The following TLE4 variants were observed in gnomAD, a reference collection of about 807,000 sequenced individuals.
The protein encoded by TLE4 is TLE family member 4, transcriptional corepressor, also known as transducin-like enhancer protein 4.
In TLE4, 8 loss-of-function variants were observed where a neutral mutation model predicts 92.8. The ratio of observed to expected loss-of-function variants is 0.09; its 90% CI spans 0.05 to 0.16. TLE4 has a LOEUF of 0.16. Ranked by LOEUF, TLE4 falls within the 10% of genes least tolerant of loss-of-function variation. The pLI is 1.00. For synonymous variants in TLE4, 371 were observed against 374.1 expected (o/e 0.99, Z 0.10); for missense variants, 675 against 997.6 (o/e 0.68, Z 4.36).
At chr9:79,658,554 C>T (rs1347769019) in intron 8 of TLE4, among the ~76,000 whole-genome samples, 2 of 152,042 alleles carry the variant, frequency 1.3e-5, no homozygotes, top group South Asian at 2.1e-4. Context: ...GGTTTATCAG[C>T]GGAAAATTAG....
chr9:79,712,299 T>C (rs1433847552), intron 14 of TLE4, among the ~76,000 whole-genome samples: 1 of 152,210 alleles, frequency 6.6e-6, no homozygotes, highest in Non-Finnish European at 1.5e-5. Flanking sequence ...TAACAGAGCA[T>C]GAAGACGTAT....
rs573465925 is a variant in TLE4 at position 79,598,008 on chromosome 9, G to A, written c.253-14648G>A. Among the ~76,000 whole-genome samples, 105 of 150,938 alleles carry A rather than the reference G, an allele frequency of 7.0e-4. 1 individual carries two copies. The highest frequency in any genetic ancestry group is 2.4e-3 in the African/African-American group (97 of 41,018). On this transcript the variant is annotated intron_variant, in intron 4 of 19. Transcript: ENST00000376552. ...AGCATTTTGGGAGGCTGAGGCAGGC[G>A]GATCACGAGGTCAGGAGATCGAGAC... is the stretch of plus-strand genomic sequence containing the variant.
chr9:79,603,274 C>T (rs951009235), intron 4 of TLE4, among the ~76,000 whole-genome samples: 8 of 152,118 alleles, frequency 5.3e-5, no homozygotes, highest in African/African-American at 1.9e-4. Context: ...TGTCAAACAG[C>T]ATCACATACT....
intron 16 of TLE4, among the ~76,000 whole-genome samples, chr9:79,721,363 A>G (rs1396926945): frequency 6.6e-6 from 1 of 152,196 alleles, no homozygotes; most frequent in Non-Finnish European, 1.5e-5. Context: ...CTTTAAAGGG[A>G]AAATTAAATT....
At chr9:79,684,950 GTC>G (rs2065517681) in intron 8 of TLE4, among the ~76,000 whole-genome samples, 1 of 152,196 alleles carries the variant, frequency 6.6e-6, no homozygotes, top group Non-Finnish European at 1.5e-5. Flanking sequence ...GTAAAGGAAA[GTC>G]TGCCCAAGTG....
chr9:79,573,397 G>A, intron 1 of TLE4: 1 of 1,185,112 alleles, frequency 8.4e-7, no homozygotes, highest in Non-Finnish European at 1.1e-6. Context: ...CGCGGCGCGC[G>A]GGTCCCTGGG....
rs111227832 is a variant in TLE4 at position 79,608,492 on chromosome 9, A to C, written c.253-4164A>C. Among the ~76,000 whole-genome samples the C allele has an allele frequency of 4.4e-3, 666 of 152,180 alleles. 7 individuals carry two copies. Among genetic ancestry groups the C allele is most frequent in the African/African-American group, 0.013 (559 of 41,552 alleles). On this transcript the variant is annotated intron_variant, in intron 4 of 19. Coordinates refer to ENST00000376552, the MANE Select transcript of TLE4 (RefSeq NM_007005.6). ...GCAGGGTAAGTAGGACTTCTTTGTCACCTTTTTAAAAAATGTTGATATTAA... is the reference window on the plus strand; with the variant it reads ...GCAGGGTAAGTAGGACTTCTTTGTCCCCTTTTTAAAAAATGTTGATATTAA...
intron 6 of TLE4, among the ~76,000 whole-genome samples, chr9:79,633,171 C>G (rs1320163875): frequency 6.6e-6 from 1 of 152,236 alleles, no homozygotes; most frequent in East Asian, 1.9e-4. Flanking sequence ...TCCCTTCTCT[C>G]ATAACAAAGA....
At chr9:79,665,731 C>T (rs1430345449) in intron 8 of TLE4, among the ~76,000 whole-genome samples, 3 of 151,690 alleles carry the variant, frequency 2.0e-5, no homozygotes, top group African/African-American at 7.3e-5. Flanking sequence ...AAATATTTAT[C>T]ATCTGATTTT....
chr9:79,675,097 G>A (rs1384033743), intron 8 of TLE4, among the ~76,000 whole-genome samples: 1 of 152,038 alleles, frequency 6.6e-6, no homozygotes, highest in Non-Finnish European at 1.5e-5. Flanking sequence ...TATAACTTAA[G>A]TGTCTATAAT....
At chr9:79,722,371 C>A in intron 17 of TLE4, 80 bp from the exon 18 acceptor site, 2 of 1,487,648 alleles carry the variant, frequency 1.3e-6, no homozygotes, top group South Asian at 1.3e-5. Context: ...TAAGTAGTAT[C>A]TACAGAAGAG....
intron 8 of TLE4, 144 bp from the exon 9 acceptor site, chr9:79,704,639 C>T (rs2070990543): frequency 2.8e-6 from 3 of 1,062,316 alleles, no homozygotes; most frequent in Admixed American, 5.3e-5. Context: ...CTTTCGTCTC[C>T]TCCGCTTTCT....
At chr9:79,711,992 T>TG (rs1440494727) in intron 14 of TLE4, among the ~76,000 whole-genome samples, 1 of 152,160 alleles carries the variant, frequency 6.6e-6, no homozygotes, top group Non-Finnish European at 1.5e-5. Context: ...GTTGAACCAC[T>TG]GAGAAGAGTG....
At chr9:79,624,688 G>A (rs981454747) in intron 5 of TLE4, among the ~76,000 whole-genome samples, 5 of 152,166 alleles carry the variant, frequency 3.3e-5, no homozygotes, top group African/African-American at 9.7e-5. Context: ...ATGCCAGTGC[G>A]GAAAGATATC....
chr9:79,686,048 G>A (rs1015222038), intron 8 of TLE4, among the ~76,000 whole-genome samples: 5 of 152,104 alleles, frequency 3.3e-5, no homozygotes, highest in African/African-American at 1.2e-4. Flanking sequence ...AGATGATTTA[G>A]TTATAAAGAG....
chr9:79,680,200 C>A (rs2064215974), intron 8 of TLE4, among the ~76,000 whole-genome samples: 1 of 151,214 alleles, frequency 6.6e-6, no homozygotes, highest in Admixed American at 6.6e-5. Context: ...CTATAAATTA[C>A]CTTGGGCAGT....
chr9:79,573,165 G>A (rs2036367844), intron 1 of TLE4: 3 of 873,408 alleles, frequency 3.4e-6, no homozygotes, highest in East Asian at 6.4e-5. Context: ...TCCGCGCCCG[G>A]GCGGGGAGGG....
At chr9:79,591,098 G>A (rs921637812) in intron 4 of TLE4, among the ~76,000 whole-genome samples, 4 of 152,174 alleles carry the variant, frequency 2.6e-5, no homozygotes, top group African/African-American at 9.7e-5. Flanking sequence ...GTTAGGAAAG[G>A]TAGGAGGCTT....
rs1008277910 is a variant in TLE4, at chr9:79,608,389, C to T, written c.253-4267C>T. ...TTCTGATTGAAATTTTAAAGAATTGCAGTCTTTGTTCTCTAGTGGTGAAGT... is the reference window on the plus strand; with the variant it reads ...TTCTGATTGAAATTTTAAAGAATTGTAGTCTTTGTTCTCTAGTGGTGAAGT... On this transcript the variant is annotated intron_variant, in intron 4 of 19. Coordinates refer to ENST00000376552, the MANE Select transcript of TLE4 (RefSeq NM_007005.6). 3.9e-5 allele frequency among the ~76,000 whole-genome samples: 6 copies of T among 151,984 alleles called. 1 individual carries two copies. In the South Asian group the frequency reaches 1.0e-3, roughly 26 times the overall value.
Sources: gnomAD v4.1 joint callset for allele counts (sites outside exome capture counted in the v4.1 genomes callset) on GRCh38, gnomAD v4.1.1 for gene constraint, MANE v1.5 for transcripts, NCBI Gene and HGNC (gene_info 2026-07-23, HGNC 2026-07-21) for gene names.